LIFR: variants seen among roughly 807,000 people sequenced by gnomAD.
LIFR encodes leukemia inhibitory factor receptor.
LIFR carries 84 observed loss-of-function variants against 122.2 expected under a neutral mutation model. That is an observed-to-expected ratio of 0.69 (90% CI 0.58 to 0.82). The LOEUF is 0.82. Among genes scored for constraint, LIFR ranks in the 40% least tolerant of loss-of-function variants. The pLI is 0.00. For missense variants in LIFR, 1,294 were observed against 1,311.6 expected, an observed-to-expected ratio of 0.99 and a Z score of 0.21; for synonymous variants, 422 against 434.7, an observed-to-expected ratio of 0.97 and a Z score of 0.36.
At chr5:38,571,022 A>T (rs769038693) in intron 1 of LIFR, among the ~76,000 whole-genome samples, 2 of 152,224 alleles carry the variant, frequency 1.3e-5, no homozygotes, top group African/African-American at 2.4e-5. Context: ...AAACTTTGAA[A>T]ATGAATAAGC....
At chr5:38,550,197 A>C (rs1179561057) in intron 1 of LIFR, 2 of 912,966 alleles carry the variant, frequency 2.2e-6, no homozygotes, top group Non-Finnish European at 2.6e-6. Context: ...GAAAGTGACA[A>C]TTTCCAAAAT....
At chr5:38,530,372 A>G in intron 2 of LIFR, 134 bp downstream of exon 2, 1 of 659,358 alleles carries the variant, frequency 1.5e-6, no homozygotes, top group African/African-American at 3.2e-5. Flanking sequence ...AAGTACATAG[A>G]AAAAAGATGA....
Position 38,523,469 on chromosome 5 carries a change from T to A in LIFR, c.511A>T (p.Ile171Phe). Residue 171 changes from isoleucine to phenylalanine, a missense_variant, in exon 5 of 20, where the codon ATC becomes TTC. By Grantham distance (21) the Ile-to-Phe change is conservative. Coordinates refer to ENST00000453190, the MANE Select transcript of LIFR (RefSeq NM_001127671.2). ...GSVFPHRSNV[I>F]WEIKVLRKES... ...TTACGTAGAACTTTAATTTCCCAGA[T>A]AACATTTGAGCGGTGTGGAAAAACT... is the stretch of plus-strand genomic sequence containing the variant. 6.2e-7 allele frequency: 1 copy of A among 1,613,322 alleles called. No individual in the cohort carries two copies. The highest frequency in any genetic ancestry group is 8.5e-7 in the Non-Finnish European group (1 of 1,179,720).
At chr5:38,559,460 C>G (rs2112687913), upstream of LIFR, among the ~76,000 whole-genome samples, 1 of 152,276 alleles carries the variant, frequency 6.6e-6, no homozygotes. Context: ...AATTTCAGCT[C>G]AATTTCAAGT....
chr5:38,502,765 C>G lies in LIFR; in HGVS notation c.1472G>C (p.Ser491Thr), dbSNP rs758434012. The G allele has an allele frequency of 1.2e-6, 2 of 1,606,808 alleles. No homozygotes were observed. Among genetic ancestry groups the G allele is most frequent in the Non-Finnish European group, 1.7e-6 (2 of 1,174,140 alleles). Residue 491 changes from serine (S) to threonine (T), a missense_variant, in exon 11 of 20, where the codon AGT becomes ACT. Transcript: ENST00000453190. ...NVTIKGVENSSYLVALDKLNP... is the reference protein window; with the variant it reads ...NVTIKGVENSTYLVALDKLNP... ...TAACTTGTCCAGAGCAACAAGATAA[C>G]TTGAATTTTCTACTCCTTTGATTGT...
chr5:38,504,950 G>A (rs1018325047), intron 9 of LIFR, among the ~76,000 whole-genome samples: 3 of 152,170 alleles, frequency 2.0e-5, no homozygotes, highest in Admixed American at 1.3e-4. Context: ...CCCTGCCTGA[G>A]TCTCTAAGAG....
chr5:38,530,504 A>G lies in LIFR; in HGVS notation c.142+2T>C. 1 of 1,610,644 alleles carries G rather than the reference A, an allele frequency of 6.2e-7. No homozygotes were observed. Among genetic ancestry groups the G allele is most frequent in the Non-Finnish European group, 8.5e-7 (1 of 1,176,914 alleles). On this transcript the variant is annotated splice_donor_variant, in intron 2 of 19. Coordinates refer to ENST00000453190, the MANE Select transcript of LIFR (RefSeq NM_001127671.2). LOFTEE classifies it high-confidence loss of function. ...CATTCTCTGGAAGGCTGATGCACTT[A>G]CCCTTTTTCTGGCTATTTACTTGAT...
chr5:38,579,292 C>T (rs1561223239), intron 1 of LIFR: 1 of 152,054 alleles, frequency 6.6e-6, no homozygotes, highest in Non-Finnish European at 1.5e-5. Flanking sequence ...GTTACATTGG[C>T]CAAAACAGGT....
rs1197689139 is a variant in LIFR, at chr5:38,511,790, A to C, written c.736T>G (p.Trp246Gly). The change falls in exon 6 of 20, where the codon TGG (tryptophan) becomes GGG (glycine). Residue 246 changes from tryptophan to glycine, a missense_variant and splice_region_variant. Transcript: ENST00000453190. ...AAACATTCTTTAAATATAAGCTTACAAGAAATGTTCTTCACAGGGCTCCAG... is the reference window on the plus strand; with the variant it reads ...AAACATTCTTTAAATATAAGCTTACCAGAAATGTTCTTCACAGGGCTCCAG... ...SDWSPVKNISWIPDSQTKVFP... is the reference protein window; with the variant it reads ...SDWSPVKNISGIPDSQTKVFP... 1 of 1,613,490 alleles carries C rather than the reference A, an allele frequency of 6.2e-7. No homozygotes were observed. The highest frequency in any genetic ancestry group is 8.5e-7 in the Non-Finnish European group (1 of 1,179,422).
At chr5:38,485,674 A>T in intron 17 of LIFR, 145 bp downstream of exon 17, 1 of 785,880 alleles carries the variant, frequency 1.3e-6, no homozygotes, top group Non-Finnish European at 2.2e-6. Flanking sequence ...ACAGCTTTTT[A>T]ACCCTTCCCT....
At chr5:38,520,082 C>T (rs1746319195) in intron 5 of LIFR, among the ~76,000 whole-genome samples, 1 of 152,154 alleles carries the variant, frequency 6.6e-6, no homozygotes, top group African/African-American at 2.4e-5. Flanking sequence ...TTTACATTCC[C>T]AGTCGCATTG....
At chr5:38,525,496 T>A (rs889134132) in intron 4 of LIFR, among the ~76,000 whole-genome samples, 1 of 152,144 alleles carries the variant, frequency 6.6e-6, no homozygotes, top group Non-Finnish European at 1.5e-5. Flanking sequence ...TTAAAAATAG[T>A]TATTAAAAAT....
At chr5:38,517,381 T>A (rs1191155957) in intron 5 of LIFR, among the ~76,000 whole-genome samples, 1 of 152,146 alleles carries the variant, frequency 6.6e-6, no homozygotes, top group East Asian at 1.9e-4. Flanking sequence ...ATCCTAAGCC[T>A]GTAAGTGGTA....
chr5:38,546,654 T>C (rs753696953), intron 1 of LIFR, among the ~76,000 whole-genome samples: 11 of 152,178 alleles, frequency 7.2e-5, no homozygotes, highest in Non-Finnish European at 1.2e-4. Flanking sequence ...ACCATCTAGA[T>C]TGTCAATGTT....
Position 38,481,229 on chromosome 5 carries a change from T to G in LIFR, c.*366A>C. 1 of 345,924 alleles carries G rather than the reference T, an allele frequency of 2.9e-6. No homozygotes were observed. The highest frequency in any genetic ancestry group is 5.3e-6 in the Non-Finnish European group (1 of 187,122). The allele number at this position is 345,924 out of a possible 1,614,324, so 21.4% of individuals were successfully genotyped here. ...AATCCACTTACAATTCCACCAAGTA[T>G]ACACATGAGAAAACCACAAACAACA... is the stretch of plus-strand genomic sequence containing the variant. On this transcript the variant is annotated 3_prime_UTR_variant, in exon 20 of 20. Transcript: ENST00000453190.
upstream of LIFR, among the ~76,000 whole-genome samples, chr5:38,600,191 T>C (rs1750197150): frequency 2.0e-5 from 3 of 152,200 alleles, no homozygotes; most frequent in African/African-American, 7.2e-5. Context: ...TTGTCCCACC[T>C]TTCCAGACTG....
chr5:38,479,497 G>A lies in LIFR; in HGVS notation c.*2098C>T, dbSNP rs917863693. ...AGGGCCCTGGATCCAGATGGTCACA[G>A]TTGAAATGCATATATATTGACAGAC... is the stretch of plus-strand genomic sequence containing the variant. On this transcript the variant is annotated 3_prime_UTR_variant, in exon 20 of 20. Coordinates refer to ENST00000453190, the MANE Select transcript of LIFR (RefSeq NM_001127671.2). 1 of 231,538 alleles carries A rather than the reference G, an allele frequency of 4.3e-6. No individual in the cohort carries two copies. The highest frequency in any genetic ancestry group is 8.5e-6 in the Non-Finnish European group (1 of 116,960). 14.3% of individuals were successfully genotyped at this position (231,538 alleles called of 1,614,324 possible).
At chr5:38,535,483 T>G (rs150340924) in intron 1 of LIFR, among the ~76,000 whole-genome samples, 1 of 152,322 alleles carries the variant, frequency 6.6e-6, no homozygotes, top group East Asian at 1.9e-4. Flanking sequence ...GCCCACTAGT[T>G]TAAGTATAAC....
chr5:38,487,165 C>T (rs973692931), intron 16 of LIFR, among the ~76,000 whole-genome samples: 2 of 152,198 alleles, frequency 1.3e-5, no homozygotes, highest in Non-Finnish European at 2.9e-5. Flanking sequence ...GCTCCCTGCT[C>T]TCTCTCCCCT....
Sources: allele counts gnomAD v4.1 joint callset (sites outside exome capture counted in the v4.1 genomes callset), GRCh38; gene constraint gnomAD v4.1.1; transcripts MANE v1.5; gene names NCBI Gene and HGNC (gene_info 2026-07-23, HGNC 2026-07-21).